Variants in IGF2 observed in about 807,000 individuals in gnomAD.
IGF2 encodes insulin-like growth factor 2.
Under a neutral mutation model 12.0 loss-of-function variants are expected in IGF2, and 2 were observed. That is an observed-to-expected ratio of 0.17 (90% CI 0.07 to 0.52). The LOEUF (loss-of-function observed/expected upper bound fraction) is 0.52. Ranked by LOEUF, IGF2 falls within the 20% of genes least tolerant of loss-of-function variation. IGF2 has a pLI of 0.95. For synonymous variants in IGF2, 105 were observed against 110.1 expected (o/e 0.95, Z 0.29); for missense variants, 211 against 268.0 (o/e 0.79, Z 1.48).
chr11:2,134,085 A>T, intron 2 of IGF2: 1 of 468,864 alleles, frequency 2.1e-6, no homozygotes, highest in East Asian at 6.5e-5. Flanking sequence ...AGGAGGCTGG[A>T]GGGGCCCACA....
Position 2,129,448 on chromosome 11 carries a change from A to T in IGF2, c.*3539T>A. ...TTAGTGGCCCAGGGGAGAGCTGCAAACCTGGGGACGCAAGGGGCTGGTCGG... is the reference window on the plus strand; with the variant it reads ...TTAGTGGCCCAGGGGAGAGCTGCAATCCTGGGGACGCAAGGGGCTGGTCGG... On this transcript the variant is annotated 3_prime_UTR_variant, in exon 4 of 4. Coordinates refer to ENST00000416167, the MANE Select transcript of IGF2 (RefSeq NM_000612.6). This position sits in a 1 kb window ranked among gnomAD's most constrained non-coding sequence, Gnocchi z 8.1. The T allele has an allele frequency of 4.4e-6, 1 of 229,696 alleles. No individual in the cohort carries two copies. The highest frequency in any genetic ancestry group is 8.6e-6 in the Non-Finnish European group (1 of 115,760). 14.2% of individuals were successfully genotyped at this position (229,696 alleles called of 1,614,324 possible). A position where few individuals can be genotyped will look rare whatever the true frequency, so the allele number is the denominator to read the frequency against.
At chr11:2,134,197 C>A in intron 2 of IGF2, 2 of 476,464 alleles carry the variant, frequency 4.2e-6, no homozygotes, top group East Asian at 1.4e-4. Flanking sequence ...TCTTTCCTCC[C>A]GTCTTCCCCC....
chr11:2,133,478 C>G lies in IGF2; in HGVS notation c.306+39G>C, dbSNP rs781406063. ...GCTGGGCGCCCGAAGCCCTATTTCT[C>G]TGTCTCTAGAGAGTGGGAAAGGGGC... On this transcript the variant is annotated intron_variant, in intron 3 of 3. Transcript: ENST00000416167. The surrounding 1 kb of genome is among the most constrained non-coding windows in gnomAD (Gnocchi z 8.9). 1.9e-5 allele frequency: 29 copies of G among 1,565,840 alleles called. No individual in the cohort carries two copies. Among genetic ancestry groups the G allele is most frequent in the Non-Finnish European group, 2.4e-5 (28 of 1,157,774 alleles).
chr11:2,140,319 T>A (rs1476958289), upstream of IGF2: 1 of 1,602,852 alleles, frequency 6.2e-7, no homozygotes, highest in Non-Finnish European at 8.5e-7. Flanking sequence ...TTGAACGATG[T>A]AAGAAAGCAC....
At chr11:2,145,935 G>C (rs931091005), upstream of IGF2, among the ~76,000 whole-genome samples, 2 of 152,032 alleles carry the variant, frequency 1.3e-5, no homozygotes, top group African/African-American at 4.8e-5. Flanking sequence ...CCGGAGGTAG[G>C]AAGGGTCCCG....
chr11:2,144,238 ACCTGCTCGGTCCCCGCGTGGG>A (rs1356518895), upstream of IGF2, among the ~76,000 whole-genome samples: 1 of 151,992 alleles, frequency 6.6e-6, no homozygotes, highest in African/African-American at 2.4e-5. Context: ...ACTCCCAGAT[ACCTGCTCGGTCCCCGCGTGGG>A]AGGTCCGCAG....
In IGF2 at chr11:2,138,393, G is replaced by GT. The variant is rs1374443864; in HGVS notation, c.-172_-171insA. ...GCGGGGGGATGGCTTTTTTTTGGGGGGGGGGGGAGAATTCGTCTGATTGTC... is the reference window on the plus strand; with the variant it reads ...GCGGGGGGATGGCTTTTTTTTGGGGGTGGGGGGGAGAATTCGTCTGATTGTC... On this transcript the variant is annotated 5_prime_UTR_variant, in exon 1 of 4. Transcript: ENST00000416167. The GT allele has an allele frequency of 5.6e-6, 3 of 539,028 alleles. No homozygotes were observed. Among genetic ancestry groups the GT allele is most frequent in the African/African-American group, 2.1e-5 (1 of 47,564 alleles). 33.4% of individuals were successfully genotyped at this position (539,028 alleles called of 1,614,324 possible). A position where few individuals can be genotyped will look rare whatever the true frequency, so the allele number is the denominator to read the frequency against.
chr11:2,134,079 G>A (rs1285377804), intron 2 of IGF2: 1 of 463,320 alleles, frequency 2.2e-6, no homozygotes, highest in Non-Finnish European at 4.2e-6. Flanking sequence ...CCACCTAGGA[G>A]GCTGGAGGGG....
the IGF2 span, chr11:2,147,270 GCT>G: frequency 3.4e-6 from 1 of 294,142 alleles, no homozygotes; most frequent in Non-Finnish European, 6.3e-6. The surrounding 1 kb of genome is among the most constrained non-coding windows in gnomAD (Gnocchi z 7.2). Flanking sequence ...TTGGCTGCCC[GCT>G]CTCTCCCTGC....
At position 2,132,949 on chromosome 11, in the gene IGF2, G is replaced by A; in HGVS notation, c.*38C>T. 7.4e-7 allele frequency: 1 copy of A among 1,356,428 alleles called. No homozygotes were observed. The highest frequency in any genetic ancestry group is 1.5e-5 in the African/African-American group (1 of 67,784). The allele number at this position is 1,356,428 out of a possible 1,614,324, so 84.0% of individuals were successfully genotyped here. On this transcript the variant is annotated 3_prime_UTR_variant, in exon 4 of 4. Transcript: ENST00000416167. The stretch of plus-strand genomic sequence containing the variant: ...GTCCGTGGTCAGGAGGAGGCTGCAG[G>A]ATGGTGGCGCCGGGCTGCAGACTTG...
chr11:2,135,103 C>T (rs1858906642), intron 2 of IGF2, among the ~76,000 whole-genome samples: 1 of 152,206 alleles, frequency 6.6e-6, no homozygotes, highest in South Asian at 2.1e-4. Context: ...TTCTGATGCC[C>T]AGGGAGACCC....
rs1858742796 is a variant in IGF2, at chr11:2,133,236, G to A, written c.307-13C>T. On this transcript the variant is annotated splice_polypyrimidine_tract_variant and intron_variant, in intron 3 of 3. Coordinates refer to ENST00000416167, the MANE Select transcript of IGF2 (RefSeq NM_000612.6). This position sits in a 1 kb window ranked among gnomAD's most constrained non-coding sequence, Gnocchi z 8.9. ...TGGGGAAGTTGTCCTGGGAGGGGAA[G>A]GGGCTGGTCAGCAGGTGCCTGCTCT... 6.6e-7 allele frequency: 1 copy of A among 1,508,170 alleles called. No individual in the cohort carries two copies. The highest frequency in any genetic ancestry group is 8.9e-7 in the Non-Finnish European group (1 of 1,118,306). 93.4% of individuals were successfully genotyped at this position (1,508,170 alleles called of 1,614,324 possible). A position where few individuals can be genotyped will look rare whatever the true frequency, so the allele number is the denominator to read the frequency against.
chr11:2,145,501 C>T (rs1370336995), upstream of IGF2, among the ~76,000 whole-genome samples: 1 of 152,222 alleles, frequency 6.6e-6, no homozygotes, highest in African/African-American at 2.4e-5. Flanking sequence ...GTGGGTTCTC[C>T]TCCTCTTTGG....
the IGF2 span, chr11:2,148,895 C>CT: frequency 1.7e-6 from 1 of 573,660 alleles, no homozygotes; most frequent in South Asian, 2.3e-5. The surrounding 1 kb of genome is among the most constrained non-coding windows in gnomAD (Gnocchi z 4.3). Context: ...GCCTCAGTGG[C>CT]TTTGTGCAGC....
At position 2,130,055 on chromosome 11, in the gene IGF2, G is replaced by A. The variant is rs1438282721; in HGVS notation, c.*2932C>T. On this transcript the variant is annotated 3_prime_UTR_variant, in exon 4 of 4. Coordinates refer to ENST00000416167, the MANE Select transcript of IGF2 (RefSeq NM_000612.6). The stretch of plus-strand genomic sequence containing the variant: ...TTCGGACCTCCTGGAGACAAGGCAG[G>A]GTGCTGAGGGGCGGGCAAGATGTCA... 4.3e-6 allele frequency: 1 copy of A among 229,922 alleles called. No individual in the cohort carries two copies. The highest frequency in any genetic ancestry group is 5.7e-5 in the Admixed American group (1 of 17,670). The allele number at this position is 229,922 out of a possible 1,614,324, so 14.2% of individuals were successfully genotyped here. A position where few individuals can be genotyped will look rare whatever the true frequency, so the allele number is the denominator to read the frequency against.
At chr11:2,147,896 C>T in the IGF2 span, 5 of 1,008,228 alleles carry the variant, frequency 5.0e-6, no homozygotes, top group Non-Finnish European at 6.4e-6. This position sits in a 1 kb window ranked among gnomAD's most constrained non-coding sequence, Gnocchi z 7.2. Context: ...AGCCCTGTCC[C>T]ATCCCCCTCC....
upstream of IGF2, among the ~76,000 whole-genome samples, chr11:2,142,289 T>C (rs1859649318): frequency 6.6e-6 from 1 of 152,032 alleles, no homozygotes; most frequent in South Asian, 2.1e-4. The surrounding 1 kb of genome is among the most constrained non-coding windows in gnomAD (Gnocchi z 5.7). Context: ...ATACCGCAAT[T>C]TGGGGGCTCC....
In IGF2 at chr11:2,131,036, C is replaced by T. The variant is rs1191050167; in HGVS notation, c.*1951G>A. ...CTTCCTCACTCTGGCTGGGCCAACA[C>T]ACAGTAAGTAAGGTGTATCGGGAAT... is the stretch of plus-strand genomic sequence containing the variant. On this transcript the variant is annotated 3_prime_UTR_variant, in exon 4 of 4. Coordinates refer to ENST00000416167, the MANE Select transcript of IGF2 (RefSeq NM_000612.6). The T allele has an allele frequency of 4.3e-6, 1 of 231,038 alleles. No individual in the cohort carries two copies. The allele number at this position is 231,038 out of a possible 1,614,324, so 14.3% of individuals were successfully genotyped here. A position where few individuals can be genotyped will look rare whatever the true frequency, so the allele number is the denominator to read the frequency against.
chr11:2,131,933 CGT>C lies in IGF2; in HGVS notation c.*1052_*1053del, dbSNP rs760986052. The C allele has an allele frequency of 3.1e-4, 33 of 105,610 alleles. No homozygotes were observed. Among genetic ancestry groups the C allele is most frequent in the Admixed American group, 6.6e-4 (5 of 7,576 alleles). The allele number at this position is 105,610 out of a possible 1,614,324, so 6.5% of individuals were successfully genotyped here. A position where few individuals can be genotyped will look rare whatever the true frequency, so the allele number is the denominator to read the frequency against. On this transcript the variant is annotated 3_prime_UTR_variant, in exon 4 of 4. Transcript: ENST00000416167. ...TGTGTGCTGTGTGTGCATGTGTGTG[CGT>C]GTGTGTGCCGTGCGTTTGTGTGCTG... is the stretch of plus-strand genomic sequence containing the variant.
Sources: gnomAD v4.1 joint callset for allele counts (sites outside exome capture counted in the v4.1 genomes callset) on GRCh38, gnomAD v4.1.1 for gene constraint, Gnocchi (gnomAD v3.1) non-coding constraint, MANE v1.5 for transcripts, NCBI Gene and HGNC (gene_info 2026-07-23, HGNC 2026-07-21) for gene names.